Variants in ATP6V0A4 observed in about 807,000 individuals in gnomAD.
ATP6V0A4 encodes the protein V-type proton ATPase 116 kDa subunit a 4.
ATP6V0A4 carries 86 observed loss-of-function variants against 107.3 expected under a neutral mutation model. The ratio of observed to expected loss-of-function variants is 0.80; its 90% confidence interval spans 0.67 to 0.96. ATP6V0A4 has a LOEUF of 0.96. Ranked by LOEUF, ATP6V0A4 falls within the 40% of genes least tolerant of loss-of-function variation. The probability of loss-of-function intolerance (pLI) is 0.00; values close to 1 mark genes in which losing one functional copy is unlikely to be tolerated. For synonymous variants in ATP6V0A4, 353 were observed against 381.4 expected (o/e 0.93, Z 0.87); for missense variants, 908 against 1,045.6 (o/e 0.87, Z 1.81).
chr7:138,747,354 A>G, intron 13 of ATP6V0A4, 71 bp downstream of exon 13: 2 of 1,548,068 alleles, frequency 1.3e-6, no homozygotes, highest in Non-Finnish European at 8.9e-7. Context: ...TGTTATTTCT[A>G]TGGTGAAAAC....
Position 138,762,999 on chromosome 7 carries a change from C to T in ATP6V0A4, c.318G>A (p.Glu106=). 6.2e-7 allele frequency: 1 copy of T among 1,614,076 alleles called. No homozygotes were observed. Among genetic ancestry groups the T allele is most frequent in the Non-Finnish European group, 8.5e-7 (1 of 1,180,026 alleles). Residue 106 remains glutamate (E), a synonymous_variant, in exon 6 of 22, where the codon GAG becomes GAA. Transcript: ENST00000310018. ...GCTGGTTCTGGTTGGCTTCCTGTAA[C>T]TCTCCTTCCAGTTTTTCTAGAACAG... ...LETVLEKLEG[E]LQEANQNQQA...
intron 7 of ATP6V0A4, 107 bp downstream of exon 7, chr7:138,762,233 G>T: frequency 7.2e-7 from 1 of 1,396,758 alleles, no homozygotes; most frequent in South Asian, 1.2e-5. Flanking sequence ...TTGCATCCAT[G>T]GGAAACAGTC....
chr7:138,791,080 T>A (rs1380898594), intron 1 of ATP6V0A4, among the ~76,000 whole-genome samples: 1 of 151,988 alleles, frequency 6.6e-6, no homozygotes, highest in African/African-American at 2.4e-5. Flanking sequence ...AGACACGGAT[T>A]TTAAAGGAAT....
intron 20 of ATP6V0A4, 98 bp from the exon 21 acceptor site, chr7:138,709,893 A>T: frequency 3.1e-6 from 4 of 1,297,970 alleles, no homozygotes; most frequent in Non-Finnish European, 2.0e-6. Flanking sequence ...TATATATTTT[A>T]AATAGAGACA....
intron 5 of ATP6V0A4, among the ~76,000 whole-genome samples, chr7:138,763,457 A>G (rs1194964595): frequency 6.6e-6 from 1 of 151,612 alleles, no homozygotes; most frequent in Non-Finnish European, 1.5e-5. Flanking sequence ...GTGAAACCCC[A>G]TCTCTACTAA....
intron 13 of ATP6V0A4, 107 bp from the exon 14 acceptor site, chr7:138,745,387 G>C (rs1007725704): frequency 1.4e-5 from 21 of 1,538,528 alleles, no homozygotes; most frequent in Middle Eastern, 3.5e-4. Flanking sequence ...AGGCACCCTT[G>C]GGGGAGCCAC....
intron 19 of ATP6V0A4, among the ~76,000 whole-genome samples, chr7:138,717,647 C>A (rs1804114995): frequency 6.6e-6 from 1 of 152,120 alleles, no homozygotes; most frequent in Non-Finnish European, 1.5e-5. Context: ...GTGGCTCATG[C>A]CTGTAATCCC....
intron 21 of ATP6V0A4, among the ~76,000 whole-genome samples, chr7:138,707,171 T>TATA (rs1803432221): frequency 3.1e-5 from 2 of 63,608 alleles, no homozygotes; most frequent in Non-Finnish European, 5.4e-5. Context: ...ATATATTATA[T>TATA]ATATTATATA....
intron 13 of ATP6V0A4, 95 bp from the exon 14 acceptor site, chr7:138,745,375 G>A: frequency 6.3e-7 from 1 of 1,585,132 alleles, no homozygotes; most frequent in East Asian, 2.2e-5. Context: ...CATCACCGGT[G>A]CAGGCACCCT....
At chr7:138,714,399 G>C (rs1686608361) in intron 20 of ATP6V0A4, among the ~76,000 whole-genome samples, 2 of 151,976 alleles carry the variant, frequency 1.3e-5, no homozygotes, top group African/African-American at 4.8e-5. Context: ...CCTGACGTTA[G>C]GCAACCCCAG....
chr7:138,758,632 C>A (rs1034390201), intron 8 of ATP6V0A4, among the ~76,000 whole-genome samples: 3 of 151,516 alleles, frequency 2.0e-5, no homozygotes, highest in East Asian at 3.9e-4. Context: ...CCCCTTGAAG[C>A]CTTGTTGTTT....
chr7:138,741,752 C>G (rs981025367), intron 14 of ATP6V0A4, among the ~76,000 whole-genome samples: 10 of 152,190 alleles, frequency 6.6e-5, no homozygotes, highest in African/African-American at 2.4e-4. Context: ...TGAGTCAATA[C>G]GCCCAACTCC....
intron 5 of ATP6V0A4, among the ~76,000 whole-genome samples, chr7:138,766,165 TG>T: frequency 6.6e-6 from 1 of 152,054 alleles, no homozygotes. Context: ...AATGTATGAA[TG>T]TAGAGCTTTA....
chr7:138,720,024 C>CAAA (rs35453846), intron 19 of ATP6V0A4, among the ~76,000 whole-genome samples: 1 of 135,726 alleles, frequency 7.4e-6, no homozygotes, highest in Admixed American at 7.5e-5. Flanking sequence ...GACTCTGTCT[C>CAAA]AAAAAAAAAA....
chr7:138,797,767 G>A (rs1005565647), intron 1 of ATP6V0A4, among the ~76,000 whole-genome samples: 2 of 152,084 alleles, frequency 1.3e-5, no homozygotes, highest in Non-Finnish European at 2.9e-5. Context: ...GCAAACTCAT[G>A]TCCCAGGAAC....
rs546466689 is a variant in ATP6V0A4 at position 138,754,262 on chromosome 7, G to A, written c.817-1425C>T. ...TCGGGAGTTCGAGACCAGCCTGACC[G>A]ACATGGAGAAACCCCATCTCTACTA... On this transcript the variant is annotated intron_variant, in intron 10 of 21. Coordinates refer to ENST00000310018, the MANE Select transcript of ATP6V0A4 (RefSeq NM_020632.3). Among the ~76,000 whole-genome samples, 47 of 151,940 alleles carry A rather than the reference G, an allele frequency of 3.1e-4. 1 individual carries two copies. The East Asian group carries it at 6.6e-3, about 21-fold the overall frequency.
At chr7:138,740,740 C>G (rs1805597846) in intron 14 of ATP6V0A4, among the ~76,000 whole-genome samples, 1 of 151,782 alleles carries the variant, frequency 6.6e-6, no homozygotes, top group Non-Finnish European at 1.5e-5. Flanking sequence ...ATGCCCGGCC[C>G]AGAAATTTCT....
At chr7:138,728,049 C>A (rs1804804986) in intron 18 of ATP6V0A4, among the ~76,000 whole-genome samples, 1 of 152,046 alleles carries the variant, frequency 6.6e-6, no homozygotes, top group Admixed American at 6.6e-5. Flanking sequence ...TAAAGTCTCA[C>A]AACTTTAGAA....
At position 138,760,028 on chromosome 7, in the gene ATP6V0A4, C is replaced by T. The variant is rs1206714226; in HGVS notation, c.513-150G>A. 3 of 1,384,214 alleles carry T rather than the reference C, an allele frequency of 2.2e-6. No individual in the cohort carries two copies. In the African/African-American group the frequency reaches 4.3e-5, roughly 20 times the overall value. The allele number at this position is 1,384,214 out of a possible 1,614,324, so 85.7% of individuals were successfully genotyped here. The stretch of plus-strand genomic sequence containing the variant: ...CCGACACAGCTCTACCGACATGAGT[C>T]CCAAGGCCACCCCGCATCCAGCCCT... On this transcript the variant is annotated intron_variant, in intron 7 of 21. Coordinates refer to ENST00000310018, the MANE Select transcript of ATP6V0A4 (RefSeq NM_020632.3).
Sources: gnomAD v4.1 joint callset for allele counts (sites outside exome capture counted in the v4.1 genomes callset) on GRCh38, gnomAD v4.1.1 for gene constraint, MANE v1.5 for transcripts, NCBI Gene and HGNC (gene_info 2026-07-23, HGNC 2026-07-21) for gene names.